The following PIGQ variants were observed in gnomAD, a reference collection of about 807,000 sequenced individuals.
PIGQ encodes phosphatidylinositol glycan anchor biosynthesis class Q.
PIGQ carries 54 observed loss-of-function variants against 60.3 expected under a neutral mutation model. The observed-to-expected ratio is 0.90, with a 90% CI of 0.72 to 1.12. The LOEUF is 1.12. Ranked by LOEUF, PIGQ falls within the 50% of genes most tolerant of loss-of-function variation. The pLI, the probability that PIGQ is intolerant of heterozygous loss-of-function variation, is 0.00. For missense variants in PIGQ, 799 were observed against 793.5 expected (o/e 1.01, Z -0.08); for synonymous variants, 416 against 363.7 (o/e 1.14, Z -1.64).
intron 10 of PIGQ, chr16:582,679 G>A (rs2035832284): frequency 9.3e-6 from 6 of 647,432 alleles, no homozygotes; most frequent in South Asian, 7.5e-5. Flanking sequence ...CCCGAGGGGA[G>A]ATGCAGCTTC....
rs2035843438 is a variant in PIGQ at position 583,298 on chromosome 16, T to C, written c.*263T>C. 3 of 1,612,862 alleles carry C rather than the reference T, an allele frequency of 1.9e-6. No homozygotes were observed. The highest frequency in any genetic ancestry group is 2.5e-6 in the Non-Finnish European group (3 of 1,179,956). The stretch of plus-strand genomic sequence containing the variant: ...CGCTTCCCACCTGCTGCGGTCACCA[T>C]GGTGGCGAGCACAGCAACCCCAGGT... On this transcript the variant is annotated 3_prime_UTR_variant, in exon 11 of 11. Transcript: ENST00000321878.
intron 10 of PIGQ, 168 bp downstream of exon 10, chr16:582,477 C>T: frequency 1.7e-6 from 1 of 598,158 alleles, no homozygotes; most frequent in Non-Finnish European, 2.9e-6. Context: ...CTCCCCCTTA[C>T]CCCCAGGGCC....
Position 575,840 on chromosome 16 carries a change from GT to G in PIGQ, c.692del (p.Val231GlyfsTer29). On this transcript the variant is annotated frameshift_variant and splice_region_variant, in exon 3 of 11. Coordinates refer to ENST00000321878, the MANE Select transcript of PIGQ (RefSeq NM_004204.5). LOFTEE classifies it high-confidence loss of function. ...TCACTCCTCTCCACTCCCACGCAGA[GT>G]GTTCAAGCTCTGGCCCCTGTCCTTC... ...SLVSAVSACR[V>X]FKLWPLSFLG... 6.4e-7 allele frequency: 1 copy of G among 1,563,208 alleles called. No homozygotes were observed. Among genetic ancestry groups the G allele is most frequent in the Non-Finnish European group, 8.7e-7 (1 of 1,153,412 alleles).
At position 582,319 on chromosome 16, in the gene PIGQ, C is replaced by T. The variant is rs1308718414; in HGVS notation, c.1593+10C>T. The T allele has an allele frequency of 2.5e-6, 4 of 1,588,338 alleles. No individual in the cohort carries two copies. The African/African-American group carries it at 4.0e-5, about 16-fold the overall frequency. Reference sequence around the variant, plus strand: ...CCGCCTCCTGATGCAGGTGAGGCCCCTTGTGGCCAGGACGCCCCTACGCTG... The same window carrying T: ...CCGCCTCCTGATGCAGGTGAGGCCCTTTGTGGCCAGGACGCCCCTACGCTG... On this transcript the variant is annotated intron_variant, in intron 10 of 10. Transcript: ENST00000321878.
At chr16:576,398 C>T in intron 4 of PIGQ, 144 bp downstream of exon 4, 1 of 1,020,736 alleles carries the variant, frequency 9.8e-7, no homozygotes, top group South Asian at 1.7e-5. Context: ...CTCCCCTGAA[C>T]CAGAAGCAGG....
At chr16:578,314 C>T in intron 4 of PIGQ, 65 bp from the exon 5 acceptor site, 1 of 1,545,660 alleles carries the variant, frequency 6.5e-7, no homozygotes, top group Non-Finnish European at 8.7e-7. Context: ...CACGAAAGAG[C>T]CTGGGGAGAT....
chr16:582,805 C>A (rs1402636343), intron 10 of PIGQ, 78 bp from the exon 11 acceptor site: 9 of 1,461,254 alleles, frequency 6.2e-6, no homozygotes, highest in Non-Finnish European at 8.3e-6. Context: ...TGCCTCACAA[C>A]TGCCCGCCCC....
At position 583,871 on chromosome 16, in the gene PIGQ, G is replaced by C; in HGVS notation, c.*836G>C. The C allele has an allele frequency of 1.7e-6, 1 of 591,658 alleles. No homozygotes were observed. The highest frequency in any genetic ancestry group is 1.9e-5 in the South Asian group (1 of 53,836). 36.7% of individuals were successfully genotyped at this position (591,658 alleles called of 1,614,324 possible). ...GTGAGTGGCCTGGGGAGGGGGCCGT[G>C]GCACTGAGGCCGAAAGTGCCTGCCA... On this transcript the variant is annotated 3_prime_UTR_variant, in exon 11 of 11. Transcript: ENST00000321878.
At chr16:571,696 GATCGCTTCTCTTTC>G (rs976317864) in intron 1 of PIGQ, among the ~76,000 whole-genome samples, 2 of 150,796 alleles carry the variant, frequency 1.3e-5, no homozygotes, top group African/African-American at 4.9e-5. Flanking sequence ...CTCTGCTATC[GATCGCTTCTCTTTC>G]ATCTTCCTCT....
chr16:580,180 C>T lies in PIGQ; in HGVS notation c.1336-3C>T, dbSNP rs1357963752. ...TGCCCGGTGTGCTGGCCCCTCCCTA[C>T]AGCTGTTCATCGGGACTCTGCTCTT... On this transcript the variant is annotated splice_region_variant and splice_polypyrimidine_tract_variant and intron_variant, in intron 7 of 10. Transcript: ENST00000321878. 6 of 1,609,840 alleles carry T rather than the reference C, an allele frequency of 3.7e-6. No homozygotes were observed. In the African/African-American group the frequency reaches 6.7e-5, roughly 18 times the overall value.
At chr16:575,320 C>T (rs771556220) in intron 2 of PIGQ, among the ~76,000 whole-genome samples, 2 of 152,200 alleles carry the variant, frequency 1.3e-5, no homozygotes, top group Non-Finnish European at 2.9e-5. Context: ...ACGGGGGTAG[C>T]CCCGAGCTGT....
At position 575,904 on chromosome 16, in the gene PIGQ, AC is replaced by A. The variant is rs1375080301; in HGVS notation, c.757del (p.Arg253GlyfsTer7). The A allele has an allele frequency of 6.3e-7, 1 of 1,577,584 alleles. No homozygotes were observed. The highest frequency in any genetic ancestry group is 1.2e-5 in the South Asian group (1 of 86,412). ...SKLSTCEQLR[H>X]RLEHLTLIFS... The stretch of plus-strand genomic sequence containing the variant: ...CTCTCCACGTGCGAACAGCTCCGGC[AC>A]CGGCTGGAGCACCTCACGCTAATCT... On this transcript the variant is annotated frameshift_variant, in exon 3 of 11. Transcript: ENST00000321878. LOFTEE classifies it high-confidence loss of function.
Position 576,132 on chromosome 16 carries a change from A to T in PIGQ, c.822-2A>T, listed in dbSNP as rs1271030793. On this transcript the variant is annotated splice_acceptor_variant, in intron 3 of 10. Coordinates refer to ENST00000321878, the MANE Select transcript of PIGQ (RefSeq NM_004204.5). LOFTEE classifies it high-confidence loss of function. ...GCCGGCCGGGCCGGACCTCCCTTCCAGGAAGGCCAACACGGTGGCCTCTGT... is the reference window on the plus strand; with the variant it reads ...GCCGGCCGGGCCGGACCTCCCTTCCTGGAAGGCCAACACGGTGGCCTCTGT... 1.3e-6 allele frequency: 2 copies of T among 1,547,678 alleles called. No homozygotes were observed.
intron 8 of PIGQ, 22 bp from the exon 9 acceptor site, chr16:580,836 C>T: frequency 8.9e-7 from 1 of 1,128,060 alleles, no homozygotes. Context: ...CCGGGCCGGT[C>T]CTAAATGCTC....
At chr16:576,053 C>T (rs1436159084) in intron 3 of PIGQ, 81 bp from the exon 4 acceptor site, 6 of 1,545,042 alleles carry the variant, frequency 3.9e-6, no homozygotes, top group Non-Finnish European at 5.2e-6. Context: ...ACGCTGACCC[C>T]TCCGGCCAGG....
intron 4 of PIGQ, among the ~76,000 whole-genome samples, chr16:577,509 A>G (rs376652659): frequency 6.0e-5 from 9 of 149,662 alleles, no homozygotes; most frequent in South Asian, 2.1e-4. Context: ...CCCGGGAGGC[A>G]GAGCTTGCAG....
In PIGQ at chr16:580,272, A is replaced by G; in HGVS notation, c.1416+9A>G. 1 of 1,596,874 alleles carries G rather than the reference A, an allele frequency of 6.3e-7. No individual in the cohort carries two copies. The highest frequency in any genetic ancestry group is 1.1e-5 in the South Asian group (1 of 89,866). ...ACCTGGTGTTCACCCTGGTGAGCTG[A>G]GCACCCACAGGCTGGGCCTGGCTGC... On this transcript the variant is annotated intron_variant, in intron 8 of 10. Coordinates refer to ENST00000321878, the MANE Select transcript of PIGQ (RefSeq NM_004204.5).
At chr16:576,006 C>G (rs761186033) in intron 3 of PIGQ, 36 bp downstream of exon 3, 4 of 1,561,786 alleles carry the variant, frequency 2.6e-6, no homozygotes, top group South Asian at 2.4e-5. Context: ...GGGCTGGGTG[C>G]GTGCCCTCTG....
At position 575,826 on chromosome 16, in the gene PIGQ, C is replaced by T. The variant is rs1419355120; in HGVS notation, c.690-13C>T. The T allele has an allele frequency of 4.5e-6, 7 of 1,555,796 alleles. No homozygotes were observed. Among genetic ancestry groups the T allele is most frequent in the Non-Finnish European group, 6.1e-6 (7 of 1,150,260 alleles). On this transcript the variant is annotated splice_polypyrimidine_tract_variant and intron_variant, in intron 2 of 10. Transcript: ENST00000321878. ...TGGAGAGGGACACATCACTCCTCTC[C>T]ACTCCCACGCAGAGTGTTCAAGCTC...
Sources: allele counts gnomAD v4.1 joint callset (sites outside exome capture counted in the v4.1 genomes callset), GRCh38; gene constraint gnomAD v4.1.1; transcripts MANE v1.5; gene names NCBI Gene and HGNC (gene_info 2026-07-23, HGNC 2026-07-21).